Variants in NDUFAF7 observed in about 807,000 individuals in gnomAD.
The protein encoded by NDUFAF7 is NADH:ubiquinone oxidoreductase complex assembly factor 7.
In NDUFAF7, 48 loss-of-function variants were observed where a neutral mutation model predicts 47.2. The ratio of observed to expected loss-of-function variants is 1.02; its 90% CI spans 0.81 to 1.29. The LOEUF (loss-of-function observed/expected upper bound fraction) is 1.29, where lower values mean the gene tolerates loss of function less well. Among genes scored for constraint, NDUFAF7 ranks in the 50% most tolerant of loss-of-function variants. The pLI is 0.00. For synonymous variants in NDUFAF7, 217 were observed against 190.0 expected (o/e 1.14, Z -1.17); for missense variants, 635 against 537.6 (o/e 1.18, Z -1.79).
intron 4 of NDUFAF7, among the ~76,000 whole-genome samples, chr2:37,240,989 A>G (rs561173418): frequency 5.8e-4 from 89 of 152,360 alleles, no homozygotes; most frequent in Admixed American, 1.4e-3. Context: ...CAAATGAAAA[A>G]TAATGTTGAT....
chr2:37,250,773 CAA>C, downstream of NDUFAF7: 1 of 152,228 alleles, frequency 6.6e-6, no homozygotes, highest in East Asian at 1.9e-4. Flanking sequence ...TGGATATAAC[CAA>C]AAAAATATTA....
the NDUFAF7 span, chr2:37,267,585 A>G: frequency 7.6e-7 from 1 of 1,313,736 alleles, no homozygotes; most frequent in Non-Finnish European, 1.1e-6. Context: ...TGACAGCTTT[A>G]TTAGGGAGTT....
chr2:37,261,069 C>A, the NDUFAF7 span, among the ~76,000 whole-genome samples: 1 of 152,204 alleles, frequency 6.6e-6, no homozygotes, highest in Non-Finnish European at 1.5e-5. Context: ...TATTTCTGGA[C>A]ATAAATCTAA....
chr2:37,258,926 A>T, the NDUFAF7 span, among the ~76,000 whole-genome samples: 4 of 152,280 alleles, frequency 2.6e-5, no homozygotes, highest in African/African-American at 9.6e-5. Context: ...ATCCTTGCCA[A>T]TTATGGAAAA....
downstream of NDUFAF7, chr2:37,252,287 G>C (rs1398150694): frequency 1.5e-5 from 2 of 134,308 alleles, no homozygotes; most frequent in South Asian, 2.4e-4. Flanking sequence ...CCTAGGTAAA[G>C]ATAAATTGTG....
downstream of NDUFAF7, among the ~76,000 whole-genome samples, chr2:37,250,159 AAG>A (rs1667364907): frequency 6.6e-6 from 1 of 151,996 alleles, no homozygotes; most frequent in Non-Finnish European, 1.5e-5. Flanking sequence ...AAAGTAAAGG[AAG>A]ACGGAGGCCT....
Position 37,243,936 on chromosome 2 carries a change from T to G in NDUFAF7, c.755T>G (p.Leu252Trp), listed in dbSNP as rs763833625. 3.7e-6 allele frequency: 6 copies of G among 1,614,016 alleles called. No homozygotes were observed. In the Admixed American group the frequency reaches 1.0e-4, roughly 27 times the overall value. The change falls in exon 7 of 10, where the codon TTG (leucine) becomes TGG (tryptophan). Residue 252 changes from leucine (L) to tryptophan (W), a missense_variant. Leu to Trp is a moderately conservative substitution (Grantham distance 61, BLOSUM62 -2). Coordinates refer to ENST00000002125, the MANE Select transcript of NDUFAF7 (RefSeq NM_144736.5). ...GTTTCTGATAAACTGAGGTTTGTTTTGGCACCTTCTGCCACCCCAGCAGAA... is the reference window on the plus strand; with the variant it reads ...GTTTCTGATAAACTGAGGTTTGTTTGGGCACCTTCTGCCACCCCAGCAGAA... ...PQVSDKLRFV[L>W]APSATPAEAF...
chr2:37,231,697 A>C lies in NDUFAF7; in HGVS notation c.-9A>C. 6.2e-7 allele frequency: 1 copy of C among 1,614,220 alleles called. No individual in the cohort carries two copies. Among genetic ancestry groups the C allele is most frequent in the Non-Finnish European group, 8.5e-7 (1 of 1,180,026 alleles). On this transcript the variant is annotated 5_prime_UTR_variant, in exon 1 of 10. Coordinates refer to ENST00000002125, the MANE Select transcript of NDUFAF7 (RefSeq NM_144736.5). ...TCCTGGCGGAGCGAGCTAGCCTGCG[A>C]ATTTCAGCATGAGTGTACTGCTGAG...
chr2:37,265,167 G>GT, the NDUFAF7 span, among the ~76,000 whole-genome samples: 1 of 152,062 alleles, frequency 6.6e-6, no homozygotes, highest in Non-Finnish European at 1.5e-5. Context: ...AGGACTACAG[G>GT]TAAGAATGAC....
the NDUFAF7 span, among the ~76,000 whole-genome samples, chr2:37,263,772 ATGC>A: frequency 1.3e-5 from 2 of 152,216 alleles, no homozygotes; most frequent in African/African-American, 4.8e-5. Context: ...CTGAAGAGAC[ATGC>A]ACCTCTGCTT....
At chr2:37,250,384 A>T (rs1667389657), downstream of NDUFAF7, 1 of 152,168 alleles carries the variant, frequency 6.6e-6, no homozygotes, top group Non-Finnish European at 1.5e-5. Context: ...AGAAAGTTTG[A>T]TATTAGGTTT....
intron 4 of NDUFAF7, among the ~76,000 whole-genome samples, chr2:37,238,862 C>G (rs1225257924): frequency 1.7e-5 from 2 of 119,810 alleles, no homozygotes; most frequent in Non-Finnish European, 3.4e-5. Context: ...AAGATGTGAA[C>G]AAGTCCATTC....
chr2:37,243,899 A>G lies in NDUFAF7; in HGVS notation c.718A>G (p.Ile240Val). The G allele has an allele frequency of 6.2e-7, 1 of 1,614,092 alleles. No individual in the cohort carries two copies. Among genetic ancestry groups the G allele is most frequent in the Non-Finnish European group, 8.5e-7 (1 of 1,179,986 alleles). The change falls in exon 7 of 10, where the codon ATT becomes GTT. Residue 240 changes from isoleucine (I) to valine (V), a missense_variant. Transcript: ENST00000002125. ...GGGATGGCGAGAAGTATTTGTTGAC[A>G]TTGATCCACAGGTTTCTGATAAACT... ...PQGWREVFVDIDPQVSDKLRF... is the reference protein window; with the variant it reads ...PQGWREVFVDVDPQVSDKLRF...
At chr2:37,244,422 A>G (rs926009763) in intron 7 of NDUFAF7, among the ~76,000 whole-genome samples, 2 of 152,188 alleles carry the variant, frequency 1.3e-5, no homozygotes, top group Non-Finnish European at 2.9e-5. Flanking sequence ...TTCTATTATT[A>G]TCCTTCTTTG....
the NDUFAF7 span, chr2:37,269,640 T>C: frequency 4.3e-6 from 7 of 1,613,234 alleles, 1 homozygote; most frequent in Non-Finnish European, 4.2e-6. Context: ...CAAACTGGCC[T>C]GAACCAAGCA....
At chr2:37,232,326 A>G (rs1018465896) in intron 2 of NDUFAF7, 60 bp downstream of exon 2, 4 of 1,600,566 alleles carry the variant, frequency 2.5e-6, no homozygotes, top group Non-Finnish European at 3.4e-6. Context: ...GGTGCAAGCC[A>G]GGAGGGAGAA....
Position 37,248,119 on chromosome 2 carries a change from AT to A in NDUFAF7, c.1111-9del, listed in dbSNP as rs1553360210. 6.3e-7 allele frequency: 1 copy of A among 1,594,448 alleles called. No homozygotes were observed. Among genetic ancestry groups the A allele is most frequent in the African/African-American group, 1.3e-5 (1 of 74,562 alleles). On this transcript the variant is annotated splice_polypyrimidine_tract_variant and intron_variant, in intron 9 of 9. Transcript: ENST00000002125. ...TGTCTTCTGGTTATTTTTGCTAAGA[AT>A]TTTTTTCTTTTCAGGTTCTTTTAGA...
At chr2:37,232,673 G>A (rs1018378457) in intron 2 of NDUFAF7, among the ~76,000 whole-genome samples, 1 of 152,186 alleles carries the variant, frequency 6.6e-6, no homozygotes, top group Non-Finnish European at 1.5e-5. Context: ...CCAACAGGCA[G>A]CTGGAAATAG....
rs937455586 is a variant in NDUFAF7, at chr2:37,243,863, A to T, written c.682A>T (p.Lys228Ter). 1.9e-6 allele frequency: 3 copies of T among 1,613,614 alleles called. No homozygotes were observed. Among genetic ancestry groups the T allele is most frequent in the Admixed American group, 1.7e-5 (1 of 59,988 alleles). ...FDVLPVHKFQKTPQGWREVFV... is the reference protein window; with the variant it reads ...FDVLPVHKFQ ...TTTTTATGTGTTATTTTGTGTTTAG[A>T]AAACACCACAGGGATGGCGAGAAGT... The change falls in exon 7 of 10, where the codon AAA becomes TAA. Residue 228 changes from lysine (K) to a stop codon, truncating the protein, a stop_gained and splice_region_variant. Coordinates refer to ENST00000002125, the MANE Select transcript of NDUFAF7 (RefSeq NM_144736.5). LOFTEE classifies it high-confidence loss of function.
Sources: gnomAD v4.1 joint callset for allele counts (sites outside exome capture counted in the v4.1 genomes callset) on GRCh38, gnomAD v4.1.1 for gene constraint, MANE v1.5 for transcripts, NCBI Gene and HGNC (gene_info 2026-07-23, HGNC 2026-07-21) for gene names.